The following GPC6 variants were observed in gnomAD, a reference collection of about 807,000 sequenced individuals.
The protein encoded by GPC6 is glypican-6.
A neutral mutation model predicts 55.2 loss-of-function variants in GPC6; 14 were observed. That is an observed-to-expected ratio of 0.25 (90% CI 0.17 to 0.40). GPC6 has a LOEUF of 0.40. GPC6 is among the 10% of genes least tolerant of loss of function. GPC6 has a pLI of 1.00. For synonymous variants in GPC6, 278 were observed against 259.6 expected, an observed-to-expected ratio of 1.07 and a Z score of -0.68; for missense variants, 641 against 708.5, an observed-to-expected ratio of 0.90 and a Z score of 1.08.
intron 3 of GPC6, among the ~76,000 whole-genome samples, chr13:93,883,595 GT>G (rs1195179388): frequency 9.9e-5 from 15 of 151,828 alleles, no homozygotes; most frequent in Admixed American, 9.2e-4. Flanking sequence ...GGCCATTTGT[GT>G]ATCTTCTTTT....
intron 1 of GPC6, among the ~76,000 whole-genome samples, chr13:93,455,062 G>A (rs1878392607): frequency 6.6e-6 from 1 of 152,188 alleles, no homozygotes; most frequent in African/African-American, 2.4e-5. Flanking sequence ...AGCCGGCAGG[G>A]CCGGCCGGCT....
chr13:94,055,543 G>T (rs1331409703), intron 4 of GPC6, among the ~76,000 whole-genome samples: 1 of 152,134 alleles, frequency 6.6e-6, no homozygotes, highest in Admixed American at 6.5e-5. Flanking sequence ...TACTTGAAAA[G>T]AATAGTTTAT....
At chr13:93,998,923 G>A (rs1442914108) in intron 3 of GPC6, among the ~76,000 whole-genome samples, 2 of 151,958 alleles carry the variant, frequency 1.3e-5, no homozygotes, top group Admixed American at 6.6e-5. Context: ...AATAGATCTC[G>A]TGAACTTATT....
intron 2 of GPC6, among the ~76,000 whole-genome samples, chr13:93,566,843 C>T (rs1226180369): frequency 6.6e-6 from 1 of 152,032 alleles, no homozygotes; most frequent in African/African-American, 2.4e-5. Flanking sequence ...TGTTAGTTTG[C>T]TGAGAATGAT....
chr13:94,303,679 ATC>A (rs1016562966), intron 5 of GPC6, among the ~76,000 whole-genome samples: 3 of 151,486 alleles, frequency 2.0e-5, no homozygotes, highest in African/African-American at 4.9e-5. Flanking sequence ...CATGGAAGCT[ATC>A]TTCAACATCC....
intron 2 of GPC6, among the ~76,000 whole-genome samples, chr13:93,580,594 A>G (rs1876889865): frequency 6.6e-6 from 1 of 152,168 alleles, no homozygotes; most frequent in Non-Finnish European, 1.5e-5. Context: ...CTGTGAAGTA[A>G]AACACATAAA....
chr13:93,631,876 G>C (rs1879456296), intron 2 of GPC6, among the ~76,000 whole-genome samples: 1 of 152,188 alleles, frequency 6.6e-6, no homozygotes, highest in African/African-American at 2.4e-5. Context: ...TTTATGGAAT[G>C]ATTCAATTTA....
At chr13:93,989,990 A>G (rs922888103) in intron 3 of GPC6, among the ~76,000 whole-genome samples, 1 of 150,750 alleles carries the variant, frequency 6.6e-6, no homozygotes, top group Non-Finnish European at 1.5e-5. Flanking sequence ...GTGGAAAAGT[A>G]CAGGTATAAA....
intron 1 of GPC6, among the ~76,000 whole-genome samples, chr13:93,463,024 C>T (rs1374015274): frequency 6.6e-6 from 1 of 152,094 alleles, no homozygotes; most frequent in Non-Finnish European, 1.5e-5. Context: ...AGAATTAGGA[C>T]AATCTTTTTT....
intron 3 of GPC6, among the ~76,000 whole-genome samples, chr13:93,937,401 C>A (rs1356299918): frequency 1.3e-5 from 2 of 152,108 alleles, no homozygotes; most frequent in Admixed American, 1.3e-4. Context: ...TCAAATTAGT[C>A]ATATCATTAG....
At chr13:94,241,892 T>C (rs1008718851) in intron 4 of GPC6, among the ~76,000 whole-genome samples, 1 of 152,092 alleles carries the variant, frequency 6.6e-6, no homozygotes, top group Non-Finnish European at 1.5e-5. Context: ...GAATTTCTTT[T>C]TTTTTCTTTT....
chr13:93,593,280 T>G (rs753380126), intron 2 of GPC6, among the ~76,000 whole-genome samples: 29 of 152,124 alleles, frequency 1.9e-4, no homozygotes, highest in Non-Finnish European at 4.3e-4. Context: ...AAATGGAAGC[T>G]AATCTGAAAC....
chr13:93,479,786 A>T (rs79348682), intron 1 of GPC6, among the ~76,000 whole-genome samples: 2,293 of 152,272 alleles, frequency 0.015, 56 homozygotes, highest in African/African-American at 0.052. Flanking sequence ...ATTATAAGAG[A>T]GAGTTCATAT....
At chr13:93,284,318 C>T (rs1377501201) in intron 1 of GPC6, among the ~76,000 whole-genome samples, 1 of 152,112 alleles carries the variant, frequency 6.6e-6, no homozygotes, top group Non-Finnish European at 1.5e-5. Context: ...GTATGTCTTA[C>T]AAATAGGGTT....
intron 3 of GPC6, among the ~76,000 whole-genome samples, chr13:93,933,910 T>G (rs1878302202): frequency 6.6e-6 from 1 of 152,172 alleles, no homozygotes; most frequent in Non-Finnish European, 1.5e-5. Context: ...CTGTCTTCTT[T>G]CATAAAATTT....
chr13:93,572,361 T>C (rs1046046080), intron 2 of GPC6, among the ~76,000 whole-genome samples: 1 of 152,088 alleles, frequency 6.6e-6, no homozygotes, highest in Non-Finnish European at 1.5e-5. Context: ...GGGGATAAAA[T>C]GAAACAAATG....
chr13:93,530,421 T>A (rs1416997204), intron 1 of GPC6, among the ~76,000 whole-genome samples: 1 of 152,162 alleles, frequency 6.6e-6, no homozygotes, highest in East Asian at 1.9e-4. Flanking sequence ...AGGAACTGAT[T>A]TTCCTTTGAG....
chr13:93,257,477 A>C (rs897831944), intron 1 of GPC6, among the ~76,000 whole-genome samples: 1 of 152,232 alleles, frequency 6.6e-6, no homozygotes, highest in Admixed American at 6.5e-5. Context: ...AAACAGAATC[A>C]AGGTAAACTA....
chr13:93,927,303 C>A (rs548866559), intron 3 of GPC6, among the ~76,000 whole-genome samples: 1 of 152,182 alleles, frequency 6.6e-6, no homozygotes, highest in Non-Finnish European at 1.5e-5. Flanking sequence ...CAAAGATAGA[C>A]TATGAATAAT....
Sources: gnomAD v4.1 joint callset for allele counts (sites outside exome capture counted in the v4.1 genomes callset) on GRCh38, gnomAD v4.1.1 for gene constraint, MANE v1.5 for transcripts, NCBI Gene and HGNC (gene_info 2026-07-23, HGNC 2026-07-21) for gene names.